The following EXOC4 variants were observed in gnomAD, a reference collection of about 807,000 sequenced individuals.
EXOC4 encodes the protein exocyst complex component 4.
Under a neutral mutation model 107.2 loss-of-function variants are expected in EXOC4, and 71 were observed. The ratio of observed to expected loss-of-function variants is 0.66; its 90% confidence interval spans 0.55 to 0.81. EXOC4 has a LOEUF of 0.81. EXOC4 is among the 30% of genes least tolerant of loss of function. The pLI, the probability that EXOC4 is intolerant of heterozygous loss-of-function variation, is 0.00. For missense variants in EXOC4, 1,108 were observed against 1,189.6 expected (o/e 0.93, Z 1.01); for synonymous variants, 456 against 441.2 (o/e 1.03, Z -0.42).
rs1799290673 is a variant in EXOC4 at position 133,895,702 on chromosome 7, A to G, written c.1838A>G (p.Gln613Arg). Residue 613 changes from glutamine to arginine, a missense_variant, in exon 12 of 18, where the codon CAG becomes CGG. Coordinates refer to ENST00000253861, the MANE Select transcript of EXOC4 (RefSeq NM_021807.4). The stretch of plus-strand genomic sequence containing the variant: ...CTCAACATGGTGTGCGTGAAGCTCC[A>G]GGAGTACAAGGACACCTGCACTGCA... ...QFLNMVCVKL[Q>R]EYKDTCTAAY... 3 of 1,614,090 alleles carry G rather than the reference A, an allele frequency of 1.9e-6. No homozygotes were observed. The highest frequency in any genetic ancestry group is 8.5e-7 in the Non-Finnish European group (1 of 1,180,036).
rs564284765 is a variant in EXOC4, at chr7:133,475,663, A to C, written c.1328+190A>C. Among the ~76,000 whole-genome samples, 6 of 152,314 alleles carry C rather than the reference A, an allele frequency of 3.9e-5. No individual in the cohort carries two copies. The South Asian group carries it at 1.2e-3, about 32-fold the overall frequency. Reference sequence around the variant, plus strand: ...TGAAGTGGTTGTTTTGGGTACAGTTACTGGACTACCTGGAACTCCTAATAA... The same window carrying C: ...TGAAGTGGTTGTTTTGGGTACAGTTCCTGGACTACCTGGAACTCCTAATAA... On this transcript the variant is annotated intron_variant, in intron 8 of 17. Coordinates refer to ENST00000253861, the MANE Select transcript of EXOC4 (RefSeq NM_021807.4).
intron 9 of EXOC4, among the ~76,000 whole-genome samples, chr7:133,490,645 T>G (rs950554403): frequency 2.6e-5 from 4 of 152,196 alleles, no homozygotes; most frequent in Admixed American, 1.3e-4. Flanking sequence ...GATTATAATT[T>G]GTTACTTTCA....
At chr7:133,514,984 G>A (rs936924656) in intron 9 of EXOC4, among the ~76,000 whole-genome samples, 4 of 152,092 alleles carry the variant, frequency 2.6e-5, no homozygotes, top group African/African-American at 9.7e-5. Context: ...TCATTAATGA[G>A]AAGCTCAGAT....
intron 10 of EXOC4, among the ~76,000 whole-genome samples, chr7:133,634,362 A>T (rs1802657719): frequency 1.3e-5 from 2 of 152,166 alleles, no homozygotes; most frequent in Admixed American, 6.5e-5. Context: ...TCTCTTAGAG[A>T]GTAAATTTCT....
intron 2 of EXOC4, among the ~76,000 whole-genome samples, chr7:133,282,837 A>G (rs2150535380): frequency 6.6e-6 from 1 of 152,288 alleles, no homozygotes. Context: ...ATACATTGTT[A>G]TTAACTGTAG....
chr7:133,561,900 A>T (rs1012720), intron 9 of EXOC4, among the ~76,000 whole-genome samples: 151,624 of 152,370 alleles, frequency 1, 75,448 homozygotes, highest in East Asian at 1. Context: ...CCCGCCACCC[A>T]GAGCTGGATT....
chr7:133,272,574 T>C (rs961914190), intron 1 of EXOC4, among the ~76,000 whole-genome samples: 1 of 152,092 alleles, frequency 6.6e-6, no homozygotes, highest in African/African-American at 2.4e-5. Context: ...CCTTGCTGCC[T>C]TCCTTTTCTC....
At chr7:133,857,065 C>G (rs1798390877) in intron 11 of EXOC4, among the ~76,000 whole-genome samples, 1 of 138,660 alleles carries the variant, frequency 7.2e-6, no homozygotes, top group Middle Eastern at 3.7e-3. Flanking sequence ...CCACTGCACT[C>G]CAGCCTGGGC....
chr7:133,886,348 C>T (rs1230363794), intron 11 of EXOC4, among the ~76,000 whole-genome samples: 1 of 152,176 alleles, frequency 6.6e-6, no homozygotes, highest in African/African-American at 2.4e-5. Context: ...GGCAGAGCCC[C>T]ATTCTGGCAA....
At chr7:133,595,572 G>T (rs1390771879) in intron 9 of EXOC4, among the ~76,000 whole-genome samples, 1 of 152,082 alleles carries the variant, frequency 6.6e-6, no homozygotes, top group African/African-American at 2.4e-5. Flanking sequence ...GCATTGTGCT[G>T]AGCACTTTAT....
At chr7:134,069,219 TCTC>T (rs1046009971), downstream of EXOC4, among the ~76,000 whole-genome samples, 1 of 148,318 alleles carries the variant, frequency 6.7e-6, no homozygotes, top group Non-Finnish European at 1.5e-5. Flanking sequence ...TTCTTCTTCT[TCTC>T]CTTCTTCTTC....
chr7:133,944,540 G>A (rs905598668), intron 14 of EXOC4, among the ~76,000 whole-genome samples: 3 of 152,082 alleles, frequency 2.0e-5, no homozygotes, highest in Non-Finnish European at 4.4e-5. Flanking sequence ...TTGACTTTGT[G>A]CCTCCAATTT....
At chr7:133,863,085 A>G (rs1312286830) in intron 11 of EXOC4, among the ~76,000 whole-genome samples, 1 of 152,188 alleles carries the variant, frequency 6.6e-6, no homozygotes, top group Non-Finnish European at 1.5e-5. Flanking sequence ...TATATTCTTT[A>G]TCAATGAATA....
chr7:133,366,514 T>G (rs996300463), intron 6 of EXOC4, among the ~76,000 whole-genome samples: 1 of 152,238 alleles, frequency 6.6e-6, no homozygotes, highest in Non-Finnish European at 1.5e-5. Flanking sequence ...CTCTTAAAGT[T>G]TGTATCTTTC....
rs560969427 is a variant in EXOC4, at chr7:134,018,120, C to T, written c.2687+10285C>T. On this transcript the variant is annotated intron_variant, in intron 17 of 17. Transcript: ENST00000253861. ...ATCATAGTTAGTTAATTAACCCACC[C>T]AGGGAGGCTATTTTTCTGCCAGGGA... Among the ~76,000 whole-genome samples the T allele has an allele frequency of 2.0e-5, 3 of 152,248 alleles. No homozygotes were observed. In the South Asian group the frequency reaches 6.2e-4, roughly 32 times the overall value.
intron 9 of EXOC4, among the ~76,000 whole-genome samples, chr7:133,574,855 C>T (rs560695650): frequency 7.9e-5 from 12 of 152,296 alleles, no homozygotes; most frequent in Admixed American, 5.2e-4. Context: ...AACCTCTTAA[C>T]GGTTAAGAGT....
intron 10 of EXOC4, among the ~76,000 whole-genome samples, chr7:133,654,996 T>C (rs185589510): frequency 2.0e-5 from 3 of 152,320 alleles, no homozygotes; most frequent in Admixed American, 2.0e-4. Context: ...GAATGTTGCT[T>C]GCAGGACTAA....
intron 5 of EXOC4, among the ~76,000 whole-genome samples, chr7:133,354,415 C>T (rs975413237): frequency 1.2e-4 from 19 of 152,128 alleles, no homozygotes; most frequent in African/African-American, 4.6e-4. Context: ...TAAGCCTGCA[C>T]CTTTACATGG....
intron 10 of EXOC4, among the ~76,000 whole-genome samples, chr7:133,656,758 C>G (rs1293434938): frequency 6.6e-6 from 1 of 152,060 alleles, no homozygotes; most frequent in African/African-American, 2.4e-5. Context: ...TGATTTGTGC[C>G]AGTACACTAA....
Sources: allele counts gnomAD v4.1 joint callset (sites outside exome capture counted in the v4.1 genomes callset), GRCh38; gene constraint gnomAD v4.1.1; transcripts MANE v1.5; gene names NCBI Gene and HGNC (gene_info 2026-07-23, HGNC 2026-07-21).